MGST3: variants seen among roughly 807,000 people sequenced by gnomAD.
MGST3 encodes the protein microsomal glutathione S-transferase 3, also known as glutathione S-transferase 3, mitochondrial.
In MGST3, 13 loss-of-function variants were observed where a neutral mutation model predicts 15.8. The ratio of observed to expected loss-of-function variants is 0.82; its 90% CI spans 0.54 to 1.31. The LOEUF (loss-of-function observed/expected upper bound fraction) is 1.31, where lower values mean the gene tolerates loss of function less well. Among genes scored for constraint, MGST3 ranks in the 50% most tolerant of loss-of-function variants. MGST3 has a pLI of 0.00. For synonymous variants in MGST3, 49 were observed against 68.1 expected, an observed-to-expected ratio of 0.72 and a Z score of 1.38; for missense variants, 155 against 192.4, an observed-to-expected ratio of 0.81 and a Z score of 1.15.
chr1:165,652,800 C>T (rs1272008514), intron 4 of MGST3, among the ~76,000 whole-genome samples: 1 of 152,174 alleles, frequency 6.6e-6, no homozygotes, highest in African/African-American at 2.4e-5. Context: ...AGGCAGGTCA[C>T]TGGGGACTTG....
At chr1:165,641,972 A>G (rs1258550952) in intron 1 of MGST3, among the ~76,000 whole-genome samples, 2 of 152,218 alleles carry the variant, frequency 1.3e-5, no homozygotes, top group Non-Finnish European at 2.9e-5. Flanking sequence ...ACTGCCAACA[A>G]ACAGTTAACT....
chr1:165,645,082 T>A (rs1433455065), intron 1 of MGST3, among the ~76,000 whole-genome samples: 1 of 152,152 alleles, frequency 6.6e-6, no homozygotes, highest in Non-Finnish European at 1.5e-5. Context: ...CTTCATATCC[T>A]TATTCTATAA....
intron 1 of MGST3, among the ~76,000 whole-genome samples, chr1:165,642,857 C>T (rs568397753): frequency 1.3e-5 from 2 of 152,328 alleles, no homozygotes; most frequent in South Asian, 4.1e-4. Flanking sequence ...AAAGCTGTCT[C>T]GTGAACTGCA....
chr1:165,641,073 C>CT (rs1187000017), intron 1 of MGST3, among the ~76,000 whole-genome samples: 10 of 152,120 alleles, frequency 6.6e-5, no homozygotes, highest in African/African-American at 2.2e-4. Flanking sequence ...ATCCCTGCTA[C>CT]TCGGGAGGCT....
intron 1 of MGST3, 82 bp from the exon 2 acceptor site, chr1:165,649,759 A>G: frequency 6.4e-7 from 1 of 1,572,178 alleles, no homozygotes; most frequent in African/African-American, 1.3e-5. Context: ...TGCCAGTAAT[A>G]AAGCATCTTG....
At chr1:165,633,844 G>A (rs1190898982) in intron 1 of MGST3, among the ~76,000 whole-genome samples, 3 of 152,090 alleles carry the variant, frequency 2.0e-5, no homozygotes, top group Non-Finnish European at 4.4e-5. Context: ...TTAAGGGACA[G>A]CTATATGACA....
chr1:165,634,453 G>A (rs897999012), intron 1 of MGST3, among the ~76,000 whole-genome samples: 5 of 152,058 alleles, frequency 3.3e-5, no homozygotes, highest in African/African-American at 1.2e-4. Context: ...TACTGTGCAC[G>A]GTGGTAATAA....
chr1:165,646,409 A>G (rs1648403887), intron 1 of MGST3: 1 of 152,248 alleles, frequency 6.6e-6, no homozygotes, highest in South Asian at 2.1e-4. Flanking sequence ...GAAAGAGAAG[A>G]TTTAATGATT....
At chr1:165,654,224 A>C in intron 4 of MGST3, 55 bp from the exon 5 acceptor site, 1 of 1,566,704 alleles carries the variant, frequency 6.4e-7, no homozygotes, top group Non-Finnish European at 8.8e-7. Context: ...CTAGGTGTTA[A>C]AAAAGGTTTG....
chr1:165,641,253 T>G (rs977080154), intron 1 of MGST3, among the ~76,000 whole-genome samples: 4 of 152,242 alleles, frequency 2.6e-5, no homozygotes, highest in Admixed American at 2.6e-4. Flanking sequence ...TCTCCTGTCA[T>G]CATTCGAAGG....
chr1:165,633,810 C>T (rs1052467547), intron 1 of MGST3, among the ~76,000 whole-genome samples: 9 of 151,940 alleles, frequency 5.9e-5, no homozygotes, highest in South Asian at 2.1e-4. Flanking sequence ...TTCTCAATGA[C>T]TCTTGGTTCC....
intron 1 of MGST3, among the ~76,000 whole-genome samples, chr1:165,638,794 TAA>T (rs34399622): frequency 6.8e-6 from 1 of 146,614 alleles, no homozygotes; most frequent in Admixed American, 6.8e-5. Flanking sequence ...GACTCCGTCT[TAA>T]AAAAAAAAAA....
chr1:165,644,532 T>C (rs1648343475), intron 1 of MGST3, among the ~76,000 whole-genome samples: 1 of 152,154 alleles, frequency 6.6e-6, no homozygotes, highest in Admixed American at 6.5e-5. Context: ...GAGTGGTGAG[T>C]GTGAAGGCCT....
At chr1:165,641,464 T>G (rs1648263786) in intron 1 of MGST3, among the ~76,000 whole-genome samples, 1 of 152,254 alleles carries the variant, frequency 6.6e-6, no homozygotes, top group African/African-American at 2.4e-5. Flanking sequence ...TTGAATTATT[T>G]TAAACAAAAT....
At chr1:165,638,633 A>G (rs529331820) in intron 1 of MGST3, among the ~76,000 whole-genome samples, 4 of 152,220 alleles carry the variant, frequency 2.6e-5, no homozygotes, top group East Asian at 3.9e-4. Context: ...AAATACAACA[A>G]TTAGCTGGGC....
chr1:165,633,740 G>C (rs757152443), intron 1 of MGST3, among the ~76,000 whole-genome samples: 1 of 151,732 alleles, frequency 6.6e-6, no homozygotes, highest in Non-Finnish European at 1.5e-5. Flanking sequence ...AAATTACCAA[G>C]TGGTGTCAAT....
At position 165,651,961 on chromosome 1, in the gene MGST3, C is replaced by A. The variant is rs376650213; in HGVS notation, c.192-17C>A. The stretch of plus-strand genomic sequence containing the variant: ...TAAAAAGGGCACTTTTTAAAAGTTT[C>A]TTTCTGTCAATTCCAGGTTGGAAGT... On this transcript the variant is annotated splice_polypyrimidine_tract_variant and intron_variant, in intron 3 of 5. Coordinates refer to ENST00000367889, the MANE Select transcript of MGST3 (RefSeq NM_004528.4). 3.1e-4 allele frequency: 479 copies of A among 1,543,852 alleles called. 1 individual carries two copies. The highest frequency in any genetic ancestry group is 9.0e-4 in the Middle Eastern group (5 of 5,574).
intron 1 of MGST3, among the ~76,000 whole-genome samples, chr1:165,635,081 C>T (rs1439035010): frequency 1.3e-5 from 2 of 151,742 alleles, no homozygotes; most frequent in Admixed American, 6.6e-5. Context: ...GGCTTCTCAC[C>T]ATTCCCCTCC....
intron 3 of MGST3, 34 bp downstream of exon 3, chr1:165,651,121 C>A: frequency 1.3e-6 from 2 of 1,590,452 alleles, no homozygotes; most frequent in Non-Finnish European, 1.7e-6. Flanking sequence ...CCAAAGACAT[C>A]TGCAGAGTGG....
Sources: gnomAD v4.1 joint callset for allele counts (sites outside exome capture counted in the v4.1 genomes callset) on GRCh38, gnomAD v4.1.1 for gene constraint, MANE v1.5 for transcripts, NCBI Gene and HGNC (gene_info 2026-07-23, HGNC 2026-07-21) for gene names.